Variants in PTPRN2 observed in about 807,000 individuals in gnomAD.
PTPRN2 encodes the protein protein tyrosine phosphatase receptor type N2.
PTPRN2 carries 74 observed loss-of-function variants against 118.8 expected under a neutral mutation model. That is an observed-to-expected ratio of 0.62 (90% CI 0.52 to 0.76). PTPRN2 has a LOEUF of 0.76. Among genes scored for constraint, PTPRN2 ranks in the 30% least tolerant of loss-of-function variants. PTPRN2 has a pLI of 0.00. For synonymous variants in PTPRN2, 641 were observed against 608.0 expected (o/e 1.05, Z -0.80); for missense variants, 1,481 against 1,394.4 (o/e 1.06, Z -0.99).
At position 157,990,121 on chromosome 7, in the gene PTPRN2, G is replaced by A. The variant is rs141357461; in HGVS notation, c.1723+91177C>T. Among the ~76,000 whole-genome samples the A allele has an allele frequency of 2.8e-3, 419 of 152,166 alleles. No homozygotes were observed. Among genetic ancestry groups the A allele is most frequent in the African/African-American group, 9.5e-3 (393 of 41,520 alleles). ...TGCTCTTCTGCGCTCCAAATACACCGAGACGAAAACAAGCCCAGGTGAAGC... is the reference window on the plus strand; with the variant it reads ...TGCTCTTCTGCGCTCCAAATACACCAAGACGAAAACAAGCCCAGGTGAAGC... On this transcript the variant is annotated intron_variant, in intron 11 of 22. Transcript: ENST00000389418. This position sits in a 1 kb window ranked among gnomAD's most constrained non-coding sequence, Gnocchi z 4.3.
At chr7:158,329,603 C>T (rs1349844109) in intron 2 of PTPRN2, among the ~76,000 whole-genome samples, 1 of 152,230 alleles carries the variant, frequency 6.6e-6, no homozygotes. Flanking sequence ...GTGACCTTGG[C>T]TTCCAGCCTT....
At chr7:158,157,955 A>G (rs745567106) in intron 6 of PTPRN2, among the ~76,000 whole-genome samples, 1 of 152,194 alleles carries the variant, frequency 6.6e-6, no homozygotes, top group Non-Finnish European at 1.5e-5. Flanking sequence ...AACTCCAGCC[A>G]GGGGCATGGA....
chr7:157,757,100 G>GAT (rs112331698), intron 12 of PTPRN2, among the ~76,000 whole-genome samples: 26 of 151,648 alleles, frequency 1.7e-4, no homozygotes, highest in African/African-American at 6.3e-4. Context: ...CAAGATAAAA[G>GAT]TTTTTTTTTA....
intron 12 of PTPRN2, among the ~76,000 whole-genome samples, chr7:157,730,758 C>T (rs1042488079): frequency 6.6e-5 from 10 of 152,192 alleles, no homozygotes; most frequent in South Asian, 2.1e-4. Flanking sequence ...AACACTTCCC[C>T]GCTACAGAGG....
intron 12 of PTPRN2, among the ~76,000 whole-genome samples, chr7:157,810,737 T>A (rs1187662954): frequency 9.8e-6 from 1 of 102,188 alleles, no homozygotes; most frequent in Non-Finnish European, 2.0e-5. Context: ...TGCTGGAGGC[T>A]GGCTCTCCAC....
At chr7:158,123,220 A>G (rs1817320023) in intron 9 of PTPRN2, among the ~76,000 whole-genome samples, 1 of 152,252 alleles carries the variant, frequency 6.6e-6, no homozygotes, top group Non-Finnish European at 1.5e-5. Context: ...AATTTATTCT[A>G]TTTAAATCAT....
intron 11 of PTPRN2, among the ~76,000 whole-genome samples, chr7:158,040,332 C>CACGG (rs930641766): frequency 5.3e-5 from 8 of 152,040 alleles, no homozygotes; most frequent in African/African-American, 1.9e-4. Context: ...GATGCACACA[C>CACGG]ACGGACACGC....
intron 3 of PTPRN2, among the ~76,000 whole-genome samples, chr7:158,272,524 C>T (rs1798582424): frequency 6.6e-6 from 1 of 152,190 alleles, no homozygotes. Flanking sequence ...CTGCATGGAA[C>T]TTCCACATCC....
In PTPRN2 at chr7:158,434,978, ATAACACCTG is replaced by A. The variant is rs1563288796; in HGVS notation, c.163+54748_163+54756del. ...CTAAAAATGGATTCATGCCTTAAACATAACACCTGAACCTGTAAACCGCCTAGAAGGAAA... is the reference window on the plus strand; with the variant it reads ...CTAAAAATGGATTCATGCCTTAAACAAACCTGTAAACCGCCTAGAAGGAAA... On this transcript the variant is annotated intron_variant, in intron 2 of 22. Transcript: ENST00000389418. Among the ~76,000 whole-genome samples, 3 of 152,352 alleles carry A rather than the reference ATAACACCTG, an allele frequency of 2.0e-5. No homozygotes were observed. In the South Asian group the frequency reaches 6.2e-4, roughly 32 times the overall value.
At chr7:157,746,335 A>G (rs1563064557) in intron 12 of PTPRN2, among the ~76,000 whole-genome samples, 1 of 147,492 alleles carries the variant, frequency 6.8e-6, no homozygotes, top group Non-Finnish European at 1.5e-5. Context: ...CAAGGAGATC[A>G]TGGGATTCCC....
intron 22 of PTPRN2, among the ~76,000 whole-genome samples, chr7:157,543,515 G>A (rs1354517238): frequency 6.6e-6 from 1 of 152,252 alleles, no homozygotes; most frequent in Non-Finnish European, 1.5e-5. Flanking sequence ...TGGAGGGATG[G>A]AGGCTGCAGG....
chr7:158,072,019 G>C (rs1259868402), intron 11 of PTPRN2, among the ~76,000 whole-genome samples: 1 of 141,256 alleles, frequency 7.1e-6, no homozygotes, highest in Non-Finnish European at 1.5e-5. Context: ...GTCGTATGGA[G>C]GTGCTCATGG....
intron 10 of PTPRN2, among the ~76,000 whole-genome samples, chr7:158,086,884 CCTT>C (rs1813459822): frequency 6.6e-6 from 1 of 152,162 alleles, no homozygotes; most frequent in South Asian, 2.1e-4. Context: ...ACATCAATAA[CCTT>C]ATTATCTTCT....
At chr7:158,542,333 A>G (rs897410358) in intron 1 of PTPRN2, among the ~76,000 whole-genome samples, 2 of 152,152 alleles carry the variant, frequency 1.3e-5, no homozygotes, top group Non-Finnish European at 2.9e-5. Flanking sequence ...TTGTATTTTT[A>G]GTAGAGTTGG....
intron 12 of PTPRN2, among the ~76,000 whole-genome samples, chr7:157,886,301 C>A (rs545366820): frequency 1.3e-5 from 2 of 152,172 alleles, no homozygotes. Context: ...CGTGTCCCTG[C>A]GACTGAAATC....
chr7:157,606,560 T>C (rs1209888234), intron 15 of PTPRN2, among the ~76,000 whole-genome samples: 1 of 152,226 alleles, frequency 6.6e-6, no homozygotes, highest in East Asian at 1.9e-4. Context: ...CCATCTTTTC[T>C]GAGAAAACAA....
At chr7:158,383,721 T>A (rs1360472598) in intron 2 of PTPRN2, among the ~76,000 whole-genome samples, 1 of 151,978 alleles carries the variant, frequency 6.6e-6, no homozygotes, top group African/African-American at 2.4e-5. Context: ...TGCAGAAGAG[T>A]CTCAGGGTGA....
chr7:157,559,670 G>T (rs1353376387), intron 21 of PTPRN2, among the ~76,000 whole-genome samples: 2 of 152,176 alleles, frequency 1.3e-5, no homozygotes, highest in Non-Finnish European at 2.9e-5. Context: ...GGCCAGCCTG[G>T]ACCGTGGAGC....
At chr7:158,437,786 A>T (rs1182460590) in intron 2 of PTPRN2, among the ~76,000 whole-genome samples, 1 of 152,228 alleles carries the variant, frequency 6.6e-6, no homozygotes, top group Non-Finnish European at 1.5e-5. Context: ...CCTCTGATTC[A>T]ACTCAAGAAT....
Sources: gnomAD v4.1 joint callset for allele counts (sites outside exome capture counted in the v4.1 genomes callset) on GRCh38, gnomAD v4.1.1 for gene constraint, Gnocchi (gnomAD v3.1) non-coding constraint, MANE v1.5 for transcripts, NCBI Gene and HGNC (gene_info 2026-07-23, HGNC 2026-07-21) for gene names.